Variants in VIT observed in about 807,000 individuals in gnomAD.
The protein encoded by VIT is vitrin.
VIT carries 99 observed loss-of-function variants against 78.0 expected under a neutral mutation model. The ratio of observed to expected loss-of-function variants is 1.27; its 90% confidence interval spans 1.08 to 1.50. The LOEUF (loss-of-function observed/expected upper bound fraction) is 1.50. Ranked by LOEUF, VIT falls within the 40% of genes most tolerant of loss-of-function variation. The probability of loss-of-function intolerance (pLI) is 0.00; values close to 1 mark genes in which losing one functional copy is unlikely to be tolerated. For missense variants in VIT, 1,126 were observed against 875.3 expected (o/e 1.29, Z -3.61); for synonymous variants, 374 against 334.3 (o/e 1.12, Z -1.29).
chr2:36,716,387 T>C lies in VIT; in HGVS notation c.17T>C (p.Leu6Pro). Residue 6 changes from leucine to proline, a missense_variant, in exon 2 of 16, where the codon CTC becomes CCC. By Grantham distance (98) the Leu-to-Pro change is moderately conservative. Coordinates refer to ENST00000379242, the MANE Select transcript of VIT (RefSeq NM_053276.4). ...CTGATATTTATGAGGACTGTTGTTCTCACTATGAAGGCATCTGTTATTGAA... is the reference window on the plus strand; with the variant it reads ...CTGATATTTATGAGGACTGTTGTTCCCACTATGAAGGCATCTGTTATTGAA... Reference protein sequence around the residue: MRTVVLTMKASVIEMF... With the variant: MRTVVPTMKASVIEMF... 6.2e-7 allele frequency: 1 copy of C among 1,614,032 alleles called. No homozygotes were observed. The highest frequency in any genetic ancestry group is 8.5e-7 in the Non-Finnish European group (1 of 1,179,900).
At chr2:36,725,433 G>A (rs894371880) in intron 2 of VIT, among the ~76,000 whole-genome samples, 5 of 152,176 alleles carry the variant, frequency 3.3e-5, no homozygotes, top group African/African-American at 9.6e-5. Flanking sequence ...TTTTTGCTGT[G>A]TCCTCACATG....
chr2:36,763,586 T>A (rs1431325436), intron 6 of VIT, among the ~76,000 whole-genome samples: 4 of 21,354 alleles, frequency 1.9e-4, no homozygotes, highest in African/African-American at 3.1e-4. Context: ...ATCTTCCCTT[T>A]TTTTTTTTTT....
At chr2:36,744,118 G>T (rs972103288) in intron 4 of VIT, among the ~76,000 whole-genome samples, 1 of 152,174 alleles carries the variant, frequency 6.6e-6, no homozygotes, top group South Asian at 2.1e-4. Flanking sequence ...CTGCATGCAT[G>T]TTGCTGCAAA....
intron 4 of VIT, among the ~76,000 whole-genome samples, chr2:36,753,934 A>G (rs954912248): frequency 2.1e-4 from 32 of 152,144 alleles, no homozygotes; most frequent in African/African-American, 7.5e-4. Flanking sequence ...TAGTTAGAAA[A>G]TCCCAGGTGA....
intron 4 of VIT, among the ~76,000 whole-genome samples, chr2:36,749,734 T>C (rs1189428083): frequency 6.6e-6 from 1 of 152,242 alleles, no homozygotes; most frequent in East Asian, 1.9e-4. Flanking sequence ...CGGGAGTCGA[T>C]ACTTGGCTAC....
intron 2 of VIT, among the ~76,000 whole-genome samples, chr2:36,721,335 G>GCGTT (rs1237596524): frequency 6.6e-6 from 1 of 152,132 alleles, no homozygotes; most frequent in Non-Finnish European, 1.5e-5. Flanking sequence ...AAGGAAGCTT[G>GCGTT]CGTTCACATA....
At chr2:36,801,151 C>T (rs1271362718) in intron 12 of VIT, 150 bp from the exon 13 acceptor site, 2 of 725,592 alleles carry the variant, frequency 2.8e-6, no homozygotes, top group Admixed American at 2.2e-5. Flanking sequence ...TCTCTACACA[C>T]ACCAGTCCAC....
intron 9 of VIT, among the ~76,000 whole-genome samples, chr2:36,778,915 A>G (rs1670230235): frequency 6.6e-6 from 1 of 152,174 alleles, no homozygotes; most frequent in African/African-American, 2.4e-5. Context: ...GGAAGAAACG[A>G]GGGAGCTGAA....
intron 13 of VIT, among the ~76,000 whole-genome samples, chr2:36,803,945 G>A (rs779112318): frequency 1.3e-5 from 2 of 152,148 alleles, no homozygotes; most frequent in Non-Finnish European, 2.9e-5. Context: ...TAAGAGCTCT[G>A]CCTACTCTAT....
At chr2:36,712,240 A>G (rs1665847523) in intron 1 of VIT, among the ~76,000 whole-genome samples, 1 of 152,214 alleles carries the variant, frequency 6.6e-6, no homozygotes, top group Admixed American at 6.5e-5. Context: ...AGCGGTGAGA[A>G]AGAAACTTCA....
intron 15 of VIT, among the ~76,000 whole-genome samples, chr2:36,813,486 G>T (rs988778046): frequency 1.3e-5 from 2 of 152,016 alleles, no homozygotes; most frequent in African/African-American, 4.8e-5. Context: ...ACTTTTTCAT[G>T]TTCATCTTAC....
intron 7 of VIT, among the ~76,000 whole-genome samples, chr2:36,771,735 G>C (rs1333970480): frequency 2.0e-5 from 3 of 152,066 alleles, no homozygotes; most frequent in Non-Finnish European, 2.9e-5. Context: ...CCCGGGGTGA[G>C]AACAGATGCT....
intron 3 of VIT, among the ~76,000 whole-genome samples, chr2:36,737,186 G>T (rs1017706968): frequency 6.6e-6 from 1 of 152,148 alleles, no homozygotes; most frequent in Non-Finnish European, 1.5e-5. Flanking sequence ...TACAGGCAGA[G>T]GTTGGGAAAG....
intron 12 of VIT, among the ~76,000 whole-genome samples, chr2:36,791,936 C>CA (rs1168170797): frequency 5.4e-5 from 8 of 149,076 alleles, no homozygotes; most frequent in South Asian, 2.1e-4. Context: ...AGTCTGCAGC[C>CA]AAAAAAAAAG....
chr2:36,808,712 G>T lies in VIT; in HGVS notation c.1630G>T (p.Asp544Tyr). The part of the protein sequence containing the change: ...TNLTKEFEIS[D>Y]TDTRIGAVQY... ...CCTCACCAAAGAGTTTGAGATTTCC[G>T]ACACGGACACGCGCATCGGGGCCGT... The change falls in exon 15 of 16, where the codon GAC becomes TAC. Residue 544 changes from aspartate to tyrosine, a missense_variant. Transcript: ENST00000379242. The T allele has an allele frequency of 6.2e-7, 1 of 1,614,200 alleles. No homozygotes were observed. The highest frequency in any genetic ancestry group is 1.1e-5 in the South Asian group (1 of 91,080).
At chr2:36,749,203 T>C (rs984069631) in intron 4 of VIT, among the ~76,000 whole-genome samples, 3 of 152,176 alleles carry the variant, frequency 2.0e-5, no homozygotes, top group African/African-American at 4.8e-5. Flanking sequence ...AAGGAAATTA[T>C]GGAGATGTTA....
intron 14 of VIT, among the ~76,000 whole-genome samples, chr2:36,806,859 G>A (rs112039694): frequency 0.058 from 8,822 of 152,148 alleles, 724 homozygotes; most frequent in African/African-American, 0.18. Flanking sequence ...CACTGCGCCC[G>A]GCCCTACCTT....
chr2:36,809,990 CA>C (rs36123287), intron 15 of VIT, among the ~76,000 whole-genome samples: 88 of 100,744 alleles, frequency 8.7e-4, no homozygotes, highest in Non-Finnish European at 8.4e-4. Context: ...GATCCTGTCT[CA>C]AAAAAAAAAA....
At chr2:36,745,972 T>A (rs1322602717) in intron 4 of VIT, among the ~76,000 whole-genome samples, 2 of 152,132 alleles carry the variant, frequency 1.3e-5, no homozygotes, top group East Asian at 3.8e-4. Flanking sequence ...ATTTTGAGGT[T>A]ATGTTCCTAT....
Sources: gnomAD v4.1 joint callset for allele counts (sites outside exome capture counted in the v4.1 genomes callset) on GRCh38, gnomAD v4.1.1 for gene constraint, MANE v1.5 for transcripts, NCBI Gene and HGNC (gene_info 2026-07-23, HGNC 2026-07-21) for gene names.